Variants in MAGI2 observed in about 807,000 individuals in gnomAD.
MAGI2 encodes membrane associated guanylate kinase, WW and PDZ domain containing 2.
In MAGI2, 35 loss-of-function variants were observed where a neutral mutation model predicts 133.3. That is an observed-to-expected ratio of 0.26 (90% CI 0.20 to 0.35). MAGI2 has a LOEUF of 0.35. MAGI2 is among the 10% of genes least tolerant of loss of function. The pLI is 1.00. For synonymous variants in MAGI2, 729 were observed against 710.6 expected, an observed-to-expected ratio of 1.03 and a Z score of -0.41; for missense variants, 1,636 against 1,863.4, an observed-to-expected ratio of 0.88 and a Z score of 2.25.
chr7:78,453,782 G>A (rs970599743), intron 6 of MAGI2, among the ~76,000 whole-genome samples: 1 of 149,598 alleles, frequency 6.7e-6, no homozygotes, highest in African/African-American at 2.6e-5. Context: ...TGAGACCAGG[G>A]AGGCTTTCTT....
At chr7:79,180,385 C>T (rs1826501234) in intron 1 of MAGI2, among the ~76,000 whole-genome samples, 1 of 152,024 alleles carries the variant, frequency 6.6e-6, no homozygotes, top group African/African-American at 2.4e-5. Context: ...GCCTCACAAT[C>T]ATGGCCGAAG....
At position 78,256,291 on chromosome 7, in the gene MAGI2, G is replaced by A; in HGVS notation, c.1699C>T (p.His567Tyr). Residue 567 changes from histidine to tyrosine, a missense_variant, in exon 10 of 22, where the codon CAT becomes TAT. This residue lies in a region of MAGI2 where 920 missense variants were observed against 1,093.5 expected (regional missense o/e 0.84). Coordinates refer to ENST00000354212, the MANE Select transcript of MAGI2 (RefSeq NM_012301.4). ...TCAGTTGGCATGGAGTGCAGAGAAT[G>A]AGGCGGCCGATCTGTTATATCTGGA... is the stretch of plus-strand genomic sequence containing the variant. ...SVPDITDRPP[H>Y]SLHSMPTDGQ... 6.2e-7 allele frequency: 1 copy of A among 1,614,104 alleles called. No homozygotes were observed. The highest frequency in any genetic ancestry group is 8.5e-7 in the Non-Finnish European group (1 of 1,180,000).
intron 20 of MAGI2, among the ~76,000 whole-genome samples, chr7:78,082,439 C>T (rs3779312): frequency 0.17 from 26,169 of 152,040 alleles, 2,392 homozygotes; most frequent in South Asian, 0.24. Context: ...TTATTTTTAT[C>T]GGGTTCCCAG....
intron 21 of MAGI2, chr7:78,072,468 C>T (rs1370247133): frequency 1.3e-5 from 2 of 152,882 alleles, no homozygotes; most frequent in South Asian, 2.1e-4. Context: ...AAGCATCCTG[C>T]ACATAGTAGG....
At chr7:78,695,010 A>G (rs143780897) in intron 2 of MAGI2, among the ~76,000 whole-genome samples, 7,834 of 152,144 alleles carry the variant, frequency 0.051, 282 homozygotes, top group Non-Finnish European at 0.077. Flanking sequence ...CAGATCACGA[A>G]GTCAGGAGAT....
chr7:79,224,573 T>C (rs939531123), intron 1 of MAGI2, among the ~76,000 whole-genome samples: 5 of 152,052 alleles, frequency 3.3e-5, no homozygotes, highest in Non-Finnish European at 5.9e-5. Flanking sequence ...ACCCAAATGT[T>C]CATCAATTGG....
intron 4 of MAGI2, chr7:78,509,448 A>G (rs1047478218): frequency 3.9e-5 from 6 of 152,202 alleles, no homozygotes; most frequent in African/African-American, 1.4e-4. Flanking sequence ...TCTCCTTTCC[A>G]TAAGAAATTC....
At chr7:78,573,040 T>TAC (rs1801690590) in intron 3 of MAGI2, among the ~76,000 whole-genome samples, 1 of 29,366 alleles carries the variant, frequency 3.4e-5, no homozygotes, top group Non-Finnish European at 4.8e-5. Context: ...TGTATGTATA[T>TAC]ATATATATAT....
chr7:78,689,293 T>C (rs73145192), intron 2 of MAGI2, among the ~76,000 whole-genome samples: 1 of 152,172 alleles, frequency 6.6e-6, no homozygotes, highest in Non-Finnish European at 1.5e-5. Flanking sequence ...TTCCACGATA[T>C]ATGTTGAAAA....
At chr7:78,761,780 G>C (rs560222105) in intron 2 of MAGI2, among the ~76,000 whole-genome samples, 1 of 152,128 alleles carries the variant, frequency 6.6e-6, no homozygotes, top group East Asian at 2.0e-4. Context: ...CTGTAAGGTA[G>C]GTTGAGGCCC....
In MAGI2 at chr7:78,915,284, T is replaced by A. The variant is rs1798702867; in HGVS notation, c.418+91806A>T. 2.0e-5 allele frequency among the ~76,000 whole-genome samples: 3 copies of A among 152,254 alleles called. No homozygotes were observed. In the South Asian group the frequency reaches 6.2e-4, roughly 32 times the overall value. ...AGCCACCAGCTGCAAATACAATATC[T>A]GAAATTTATTTTTGCAAATATACTG... On this transcript the variant is annotated intron_variant, in intron 2 of 21. Coordinates refer to ENST00000354212, the MANE Select transcript of MAGI2 (RefSeq NM_012301.4).
chr7:78,762,616 C>T lies in MAGI2; in HGVS notation c.419-135377G>A, dbSNP rs116939843. 8.7e-4 allele frequency among the ~76,000 whole-genome samples: 132 copies of T among 152,266 alleles called. No homozygotes were observed. In the East Asian group the frequency reaches 0.011, roughly 13 times the overall value. ...AACTAAAATATACAGGAACTATGTC[C>T]TACAACCTCTATTAGGTAATGGACA... On this transcript the variant is annotated intron_variant, in intron 2 of 21. Coordinates refer to ENST00000354212, the MANE Select transcript of MAGI2 (RefSeq NM_012301.4).
chr7:78,411,314 A>C (rs897305172), intron 6 of MAGI2, among the ~76,000 whole-genome samples: 4 of 152,038 alleles, frequency 2.6e-5, no homozygotes, highest in African/African-American at 9.7e-5. Flanking sequence ...TCAGTTTCAG[A>C]AGATATAACC....
At chr7:79,054,418 T>C (rs1286670920) in intron 1 of MAGI2, among the ~76,000 whole-genome samples, 2 of 152,182 alleles carry the variant, frequency 1.3e-5, no homozygotes, top group Admixed American at 1.3e-4. Flanking sequence ...AACCCTATTC[T>C]CTCTTCCTGA....
chr7:79,171,635 T>C (rs1023491779), intron 1 of MAGI2, among the ~76,000 whole-genome samples: 2 of 149,616 alleles, frequency 1.3e-5, no homozygotes, highest in Non-Finnish European at 3.0e-5. Context: ...GTCATATGTC[T>C]ACAGGTAACT....
intron 3 of MAGI2, among the ~76,000 whole-genome samples, chr7:78,596,314 T>TG: frequency 6.6e-6 from 1 of 152,158 alleles, no homozygotes; most frequent in Non-Finnish European, 1.5e-5. Flanking sequence ...AATGGAGCCC[T>TG]GAAGATGAAG....
intron 1 of MAGI2, among the ~76,000 whole-genome samples, chr7:79,235,152 C>G (rs1831783080): frequency 6.6e-6 from 1 of 152,086 alleles, no homozygotes; most frequent in Non-Finnish European, 1.5e-5. Flanking sequence ...TCTGCCCGTT[C>G]TCAGATCTCC....
At chr7:78,438,401 G>A (rs1218837268) in intron 6 of MAGI2, among the ~76,000 whole-genome samples, 2 of 151,960 alleles carry the variant, frequency 1.3e-5, no homozygotes, top group Non-Finnish European at 2.9e-5. Flanking sequence ...TCCCAAATCA[G>A]CCTCTAGAAC....
At chr7:78,036,943 G>C (rs895675557) in intron 21 of MAGI2, among the ~76,000 whole-genome samples, 1 of 152,128 alleles carries the variant, frequency 6.6e-6, no homozygotes, top group East Asian at 1.9e-4. Flanking sequence ...TTAAGCTCCT[G>C]TAAGGAGAGA....
Sources: allele counts gnomAD v4.1 joint callset (sites outside exome capture counted in the v4.1 genomes callset), GRCh38; gene constraint gnomAD v4.1.1; regional missense constraint gnomAD v4.1.1; transcripts MANE v1.5; gene names NCBI Gene and HGNC (gene_info 2026-07-23, HGNC 2026-07-21).